The following ZNF33B variants were observed in gnomAD, a reference collection of about 807,000 sequenced individuals.
ZNF33B encodes the protein zinc finger protein 11b (KOX 2).
In ZNF33B, 29 loss-of-function variants were observed where a neutral mutation model predicts 45.8. The ratio of observed to expected loss-of-function variants is 0.63; its 90% CI spans 0.47 to 0.86. The LOEUF is 0.86. Among genes scored for constraint, ZNF33B ranks in the 40% least tolerant of loss-of-function variants. ZNF33B has a pLI of 0.00. For missense variants in ZNF33B, 831 were observed against 909.9 expected (o/e 0.91, Z 1.12); for synonymous variants, 305 against 307.8 (o/e 0.99, Z 0.10).
intron 4 of ZNF33B, among the ~76,000 whole-genome samples, chr10:42,600,212 CAATT>C (rs1837562460): frequency 6.6e-6 from 1 of 152,000 alleles, no homozygotes; most frequent in African/African-American, 2.4e-5. Flanking sequence ...TTATAAATGT[CAATT>C]AAGTTATTTA....
At chr10:42,620,515 G>C (rs1025119344) in intron 4 of ZNF33B, among the ~76,000 whole-genome samples, 1 of 151,580 alleles carries the variant, frequency 6.6e-6, no homozygotes, top group Non-Finnish European at 1.5e-5. Context: ...GGATCCTCCT[G>C]CCTCAGCCTC....
In ZNF33B at chr10:42,593,349, A is replaced by C. The variant is rs771190285; in HGVS notation, c.1601T>G (p.Phe534Cys). 1 of 1,613,764 alleles carries C rather than the reference A, an allele frequency of 6.2e-7. No homozygotes were observed. Among genetic ancestry groups the C allele is most frequent in the Non-Finnish European group, 8.5e-7 (1 of 1,179,934 alleles). Residue 534 changes from phenylalanine to cysteine, a missense_variant, in exon 5 of 5, where the codon TTC becomes TGC. Transcript: ENST00000359467. The stretch of plus-strand genomic sequence containing the variant: ...TATTGTGAGGTCTGACTTCAAGCAG[A>C]AGGTTTTCCCACATTCATAACATTC... ...PYECYECGKT[F>C]CLKSDLTIHQ...
intron 4 of ZNF33B, among the ~76,000 whole-genome samples, chr10:42,615,148 G>A (rs1838259593): frequency 6.6e-6 from 1 of 152,170 alleles, no homozygotes; most frequent in Non-Finnish European, 1.5e-5. Flanking sequence ...TGGCTACTAT[G>A]AGAAACAATC....
intron 1 of ZNF33B, among the ~76,000 whole-genome samples, chr10:42,581,171 C>T (rs1415369615): frequency 6.6e-6 from 1 of 152,048 alleles, no homozygotes; most frequent in Non-Finnish European, 1.5e-5. Context: ...TGTCAGAGTG[C>T]TACATCAAAT....
In ZNF33B at chr10:42,594,598, G is replaced by A. The variant is rs761096595; in HGVS notation, c.352C>T (p.Gln118Ter). Residue 118 changes from glutamine (Q) to a stop codon, truncating the protein, a stop_gained, in exon 5 of 5, where the codon CAA becomes TAA. Transcript: ENST00000359467. LOFTEE classifies it low-confidence loss of function (END_TRUNC). ...AATGGTATTCCTATTACATTACCTT[G>A]TTCCTTAGTCAGCATTTCATTATTG... ...FINNEMLTKE[Q>*]GNVIGIPFNM... 3.1e-6 allele frequency: 5 copies of A among 1,611,368 alleles called. No individual in the cohort carries two copies. The African/African-American group carries it at 6.7e-5, about 22-fold the overall frequency.
rs1384203521 is a variant in ZNF33B, at chr10:42,615,946, G to A, written c.250+15983C>T. On this transcript the variant is annotated intron_variant, in intron 4 of 4. Transcript: ENST00000359467. The stretch of plus-strand genomic sequence containing the variant: ...GCCTCAAAAAAACAATTGTCGGCTG[G>A]GTGCGGTGGCTTACGCCTGTAATCT... Among the ~76,000 whole-genome samples the A allele has an allele frequency of 2.6e-5, 4 of 151,820 alleles. No individual in the cohort carries two copies. In the South Asian group the frequency reaches 8.3e-4, roughly 32 times the overall value.
At chr10:42,624,815 C>G (rs1838730496) in intron 4 of ZNF33B, among the ~76,000 whole-genome samples, 1 of 152,070 alleles carries the variant, frequency 6.6e-6, no homozygotes, top group South Asian at 2.1e-4. Flanking sequence ...TCATGCTACT[C>G]ACAACAGTGT....
At chr10:42,630,215 C>T (rs1481262235) in intron 4 of ZNF33B, among the ~76,000 whole-genome samples, 1 of 152,088 alleles carries the variant, frequency 6.6e-6, no homozygotes. Context: ...GCCTTTAGTT[C>T]CCCTTTATTC....
chr10:42,617,092 CTTTT>C (rs199977911), intron 4 of ZNF33B, among the ~76,000 whole-genome samples: 33 of 61,198 alleles, frequency 5.4e-4, no homozygotes, highest in Non-Finnish European at 7.5e-4. Context: ...CATTTTTTCT[CTTTT>C]TTTTTTTTTT....
chr10:42,587,335 G>C (rs1320452144), downstream of ZNF33B, among the ~76,000 whole-genome samples: 2 of 152,102 alleles, frequency 1.3e-5, no homozygotes, highest in Non-Finnish European at 2.9e-5. Flanking sequence ...GAGTAGCTGG[G>C]ATTACAGGTG....
intron 4 of ZNF33B, among the ~76,000 whole-genome samples, chr10:42,630,605 A>G (rs1291220242): frequency 6.6e-6 from 1 of 152,154 alleles, no homozygotes; most frequent in African/African-American, 2.4e-5. Context: ...CACTTTCCAA[A>G]TACTGAAAGA....
Position 42,578,720 on chromosome 10 carries a change from G to A in ZNF33B, c.74-4042C>T, listed in dbSNP as rs568478560. Reference sequence around the variant, plus strand: ...AACCACCTCTAACATCCAGTCCCAGGACAAAGCTGACTGTATCTGTGGTGT... The same window carrying A: ...AACCACCTCTAACATCCAGTCCCAGAACAAAGCTGACTGTATCTGTGGTGT... On this transcript the variant is annotated intron_variant, in intron 1 of 1. Coordinates refer to the ZNF33B transcript ENST00000462075. The A allele has an allele frequency of 3.3e-5, 5 of 152,396 alleles. No individual in the cohort carries two copies. The South Asian group carries it at 1.0e-3, about 32-fold the overall frequency. 9.4% of individuals were successfully genotyped at this position (152,396 alleles called of 1,614,324 possible).
Position 42,593,130 on chromosome 10 carries a change from T to G in ZNF33B, c.1820A>C (p.Lys607Thr). ...TCCACATTCATTACATTCATAGGGT[T>G]TCTCCCCTGTATGTGTTCTATTATG... ...TKHNRTHTGE[K>T]PYECNECGKT... Residue 607 changes from lysine to threonine, a missense_variant, in exon 5 of 5, where the codon AAA becomes ACA. By Grantham distance (78) the Lys-to-Thr change is moderately conservative. Transcript: ENST00000359467. The G allele has an allele frequency of 6.2e-7, 1 of 1,613,918 alleles. No individual in the cohort carries two copies. Among genetic ancestry groups the G allele is most frequent in the Non-Finnish European group, 8.5e-7 (1 of 1,179,964 alleles).
chr10:42,580,917 T>A (rs1836813486), intron 1 of ZNF33B, among the ~76,000 whole-genome samples: 2 of 151,078 alleles, frequency 1.3e-5, no homozygotes, highest in African/African-American at 2.4e-5. Flanking sequence ...AAATAAATAA[T>A]AAAATAAAAT....
rs1252801554 is a variant in ZNF33B, at chr10:42,591,556, C to T, written c.*1057G>A. 2.0e-6 allele frequency: 1 copy of T among 492,368 alleles called. No homozygotes were observed. The highest frequency in any genetic ancestry group is 2.1e-5 in the African/African-American group (1 of 48,024). 30.5% of individuals were successfully genotyped at this position (492,368 alleles called of 1,614,324 possible). On this transcript the variant is annotated 3_prime_UTR_variant, in exon 5 of 5. Transcript: ENST00000359467. ...GATGGGCCTGATGAAGTAACCACTA[C>T]TAAATTAGGATACCTACTTCCTATT...
At chr10:42,585,101 G>A (rs1467247509), downstream of ZNF33B, among the ~76,000 whole-genome samples, 6 of 152,204 alleles carry the variant, frequency 3.9e-5, no homozygotes, top group Non-Finnish European at 1.5e-5. Flanking sequence ...ACTAATGCAA[G>A]AGGAAACTGA....
intron 4 of ZNF33B, among the ~76,000 whole-genome samples, chr10:42,621,559 A>G (rs140584214): frequency 5.1e-4 from 78 of 152,296 alleles, no homozygotes; most frequent in African/African-American, 1.6e-3. Context: ...AAAAAAGAAA[A>G]GAAAATGAAT....
At chr10:42,605,999 G>A (rs1837830005) in intron 4 of ZNF33B, among the ~76,000 whole-genome samples, 1 of 152,126 alleles carries the variant, frequency 6.6e-6, no homozygotes, top group Non-Finnish European at 1.5e-5. Context: ...TCAGGAGGCT[G>A]AGGTGGGAGT....
chr10:42,587,131 T>G (rs1836951147), downstream of ZNF33B, among the ~76,000 whole-genome samples: 1 of 152,082 alleles, frequency 6.6e-6, no homozygotes, highest in South Asian at 2.1e-4. Context: ...CTCATGACCT[T>G]ACCACCTCCC....
Sources: allele counts gnomAD v4.1 joint callset (sites outside exome capture counted in the v4.1 genomes callset), GRCh38; gene constraint gnomAD v4.1.1; transcripts MANE v1.5; gene names NCBI Gene and HGNC (gene_info 2026-07-23, HGNC 2026-07-21).